The following ALDH1L1 variants were observed in gnomAD, a reference collection of about 807,000 sequenced individuals.
ALDH1L1 encodes the protein cytosolic 10-formyltetrahydrofolate dehydrogenase.
A neutral mutation model predicts 101.1 loss-of-function variants in ALDH1L1; 68 were observed. The ratio of observed to expected loss-of-function variants is 0.67; its 90% CI spans 0.55 to 0.82. ALDH1L1 has a LOEUF of 0.82. Among genes scored for constraint, ALDH1L1 ranks in the 40% least tolerant of loss-of-function variants. The probability of loss-of-function intolerance (pLI) is 0.00; values close to 1 mark genes in which losing one functional copy is unlikely to be tolerated. For missense variants in ALDH1L1, 1,087 were observed against 1,172.7 expected (o/e 0.93, Z 1.07); for synonymous variants, 486 against 470.8 (o/e 1.03, Z -0.42).
At chr3:126,176,585 T>C (rs577830521) in intron 1 of ALDH1L1, among the ~76,000 whole-genome samples, 2 of 152,298 alleles carry the variant, frequency 1.3e-5, no homozygotes, top group African/African-American at 4.8e-5. Flanking sequence ...GGAGAAAATC[T>C]GCATTGCACA....
intron 7 of ALDH1L1, chr3:126,152,653 G>GGT: frequency 6.4e-6 from 1 of 155,930 alleles, no homozygotes; most frequent in Admixed American, 6.4e-5. Context: ...GAAGATCCCT[G>GGT]CCTGCCCTCT....
intron 20 of ALDH1L1, chr3:126,108,071 T>C (rs3772431): frequency 0.68 from 102,880 of 152,138 alleles, 35,020 homozygotes; most frequent in Middle Eastern, 0.8. Context: ...CATACATACA[T>C]AAATGATGTT....
At chr3:126,176,683 A>G (rs866348079) in intron 1 of ALDH1L1, among the ~76,000 whole-genome samples, 1 of 152,158 alleles carries the variant, frequency 6.6e-6, no homozygotes, top group Admixed American at 6.5e-5. Flanking sequence ...AGATACAACA[A>G]CAACAGCACA....
Position 126,127,173 on chromosome 3 carries a change from C to A in ALDH1L1, c.1695-1452G>T, listed in dbSNP as rs560991884. Among the ~76,000 whole-genome samples, 73 of 152,310 alleles carry A rather than the reference C, an allele frequency of 4.8e-4. 1 individual carries two copies. The highest frequency in any genetic ancestry group is 1.5e-3 in the South Asian group (7 of 4,820). ...CAGCCCGAACTGACGCCCACACTCA[C>A]TGGTTAGGGGAAAGGCCGAGCCCCG... On this transcript the variant is annotated intron_variant, in intron 14 of 22. Transcript: ENST00000393434.
intron 4 of ALDH1L1, chr3:126,155,984 G>A (rs2080896238): frequency 6.5e-6 from 1 of 152,808 alleles, no homozygotes; most frequent in Non-Finnish European, 1.5e-5. Flanking sequence ...GAGCCAAGGA[G>A]TCTGGGCCCA....
intron 14 of ALDH1L1, 87 bp from the exon 15 acceptor site, chr3:126,125,808 C>T: frequency 8.5e-6 from 8 of 945,128 alleles, no homozygotes; most frequent in Non-Finnish European, 1.2e-5. Flanking sequence ...CACCCAGGGC[C>T]TGACATCCAC....
At chr3:126,110,583 G>GC (rs913643837) in intron 19 of ALDH1L1, among the ~76,000 whole-genome samples, 4 of 152,032 alleles carry the variant, frequency 2.6e-5, no homozygotes, top group Non-Finnish European at 4.4e-5. Flanking sequence ...AAGGGGAGGG[G>GC]CCCAAGGCTC....
At chr3:126,120,269 T>A (rs116170250) in intron 16 of ALDH1L1, among the ~76,000 whole-genome samples, 6,739 of 152,218 alleles carry the variant, frequency 0.044, 456 homozygotes, top group African/African-American at 0.15. Flanking sequence ...CTGATGTGAA[T>A]CAGACAAGGG....
intron 1 of ALDH1L1, among the ~76,000 whole-genome samples, chr3:126,195,085 C>G (rs2081574868): frequency 6.6e-6 from 1 of 151,748 alleles, no homozygotes; most frequent in Admixed American, 6.6e-5. Context: ...TTTGCATAGC[C>G]AAGATGCATG....
chr3:126,137,748 G>A, intron 10 of ALDH1L1, 65 bp downstream of exon 10: 2 of 1,565,746 alleles, frequency 1.3e-6, no homozygotes, highest in Non-Finnish European at 1.7e-6. Flanking sequence ...CTTGTCTTAT[G>A]TAGTCATAGA....
intron 1 of ALDH1L1, among the ~76,000 whole-genome samples, chr3:126,191,694 G>A (rs1299354187): frequency 6.6e-6 from 1 of 152,136 alleles, no homozygotes; most frequent in Non-Finnish European, 1.5e-5. Flanking sequence ...AACCTTGAGT[G>A]GTTTTTATTC....
chr3:126,176,961 C>G (rs904015688), intron 1 of ALDH1L1, among the ~76,000 whole-genome samples: 2 of 152,126 alleles, frequency 1.3e-5, no homozygotes, highest in African/African-American at 4.8e-5. Context: ...AAAAGATGCT[C>G]AACACTGTAA....
intron 18 of ALDH1L1, 92 bp from the exon 19 acceptor site, chr3:126,112,972 G>A: frequency 1.8e-6 from 2 of 1,135,196 alleles, no homozygotes; most frequent in Non-Finnish European, 2.6e-6. Context: ...TTCTAATTAG[G>A]AAAGGAGGCA....
rs75171927 is a variant in ALDH1L1, at chr3:126,121,827, G to A, written c.1888+2537C>T. On this transcript the variant is annotated intron_variant, in intron 16 of 22. Coordinates refer to ENST00000393434, the MANE Select transcript of ALDH1L1 (RefSeq NM_012190.4). ...GCTTCTTTCCTTCTCAGCTCCCAGC[G>A]AAGGAAGCTGGCATCCACCAGGAGG... is the stretch of plus-strand genomic sequence containing the variant. 6.9e-3 allele frequency among the ~76,000 whole-genome samples: 1,057 copies of A among 152,312 alleles called. 5 individuals carry two copies. The highest frequency in any genetic ancestry group is 0.017 in the African/African-American group (722 of 41,560).
At chr3:126,123,635 C>CAAAAAAA (rs10652286) in intron 16 of ALDH1L1, among the ~76,000 whole-genome samples, 35 of 128,874 alleles carry the variant, frequency 2.7e-4, no homozygotes, top group South Asian at 1.3e-3. Flanking sequence ...CAAAAAGCTG[C>CAAAAAAA]AAAAAAAAAA....
intron 5 of ALDH1L1, among the ~76,000 whole-genome samples, chr3:126,154,931 C>T (rs750247383): frequency 1.3e-5 from 2 of 152,200 alleles, no homozygotes; most frequent in African/African-American, 4.8e-5. Flanking sequence ...TACTCAGGCC[C>T]GTCCCATAGG....
Position 126,135,553 on chromosome 3 carries a change from C to CG in ALDH1L1, c.1453dup (p.Arg485ProfsTer23). ...CTCCCACCTGTACATCAGCCGGCCC[C>CG]GGTCCCGCGCACTGATCTTCCCCCA... On this transcript the variant is annotated frameshift_variant, in exon 12 of 23. Transcript: ENST00000393434. LOFTEE classifies it high-confidence loss of function. 6.2e-7 allele frequency: 1 copy of CG among 1,608,530 alleles called. No individual in the cohort carries two copies.
chr3:126,124,239 T>C (rs1423131909), intron 16 of ALDH1L1, 125 bp downstream of exon 16: 8 of 810,526 alleles, frequency 9.9e-6, no homozygotes, highest in Non-Finnish European at 3.8e-6. Context: ...TGTCACAGGC[T>C]GGCCCCCGCC....
rs549163867 is a variant in ALDH1L1, at chr3:126,163,171, G to C, written c.-23-2169C>G. Among the ~76,000 whole-genome samples, 105 of 152,198 alleles carry C rather than the reference G, an allele frequency of 6.9e-4. 3 individuals carry two copies. In the South Asian group the frequency reaches 0.012, roughly 18 times the overall value. On this transcript the variant is annotated intron_variant, in intron 1 of 22. Coordinates refer to ENST00000393434, the MANE Select transcript of ALDH1L1 (RefSeq NM_012190.4). ...CATGATGTTAAACATCTTTTCATGT[G>C]CTTTTTGGCCATTTGTATACCTTCT... is the stretch of plus-strand genomic sequence containing the variant.
Sources: allele counts gnomAD v4.1 joint callset (sites outside exome capture counted in the v4.1 genomes callset), GRCh38; gene constraint gnomAD v4.1.1; transcripts MANE v1.5; gene names NCBI Gene and HGNC (gene_info 2026-07-23, HGNC 2026-07-21).